Variants in ADCY2 observed in about 807,000 individuals in gnomAD.
ADCY2 encodes adenylate cyclase type 2.
A neutral mutation model predicts 125.2 loss-of-function variants in ADCY2; 31 were observed. That is an observed-to-expected ratio of 0.25 (90% CI 0.19 to 0.33). The LOEUF (loss-of-function observed/expected upper bound fraction) is 0.33, where lower values mean the gene tolerates loss of function less well. Ranked by LOEUF, ADCY2 falls within the 10% of genes least tolerant of loss-of-function variation. The probability of loss-of-function intolerance (pLI) is 1.00; values close to 1 mark genes in which losing one functional copy is unlikely to be tolerated. For missense variants in ADCY2, 904 were observed against 1,418.2 expected, an observed-to-expected ratio of 0.64 and a Z score of 5.82; for synonymous variants, 512 against 548.4, an observed-to-expected ratio of 0.93 and a Z score of 0.93.
chr5:7,436,861 C>T (rs1300430811), intron 2 of ADCY2, among the ~76,000 whole-genome samples: 5 of 152,158 alleles, frequency 3.3e-5, no homozygotes, highest in African/African-American at 9.7e-5. Context: ...TTCCTCAGGG[C>T]GTGTGCTAGG....
At chr5:7,707,120 A>C (rs1208981823) in intron 8 of ADCY2, among the ~76,000 whole-genome samples, 3 of 152,240 alleles carry the variant, frequency 2.0e-5, no homozygotes, top group African/African-American at 7.2e-5. Context: ...AAGACTGTGA[A>C]TATCAGACAG....
At chr5:7,405,192 T>C (rs1300633760) in intron 1 of ADCY2, among the ~76,000 whole-genome samples, 1 of 152,144 alleles carries the variant, frequency 6.6e-6, no homozygotes, top group African/African-American at 2.4e-5. Flanking sequence ...GAAAATACCA[T>C]CTGCTATGTT....
intron 22 of ADCY2, among the ~76,000 whole-genome samples, chr5:7,805,443 C>T (rs1005131058): frequency 3.3e-5 from 5 of 151,634 alleles, no homozygotes; most frequent in Admixed American, 2.6e-4. Flanking sequence ...GAGATTTTCT[C>T]GTGTGTGTGT....
chr5:7,552,742 C>T (rs1405350808), intron 3 of ADCY2, among the ~76,000 whole-genome samples: 1 of 151,984 alleles, frequency 6.6e-6, no homozygotes, highest in Non-Finnish European at 1.5e-5. Flanking sequence ...AATAACTTGG[C>T]CTTATTAACT....
intron 3 of ADCY2, among the ~76,000 whole-genome samples, chr5:7,600,076 C>T (rs1410330632): frequency 6.6e-6 from 1 of 152,136 alleles, no homozygotes; most frequent in Non-Finnish European, 1.5e-5. Context: ...GATGCTGACT[C>T]ACTGGGTTCT....
intron 4 of ADCY2, among the ~76,000 whole-genome samples, chr5:7,687,679 G>C (rs1198597076): frequency 6.6e-6 from 1 of 152,098 alleles, no homozygotes; most frequent in Admixed American, 6.6e-5. Context: ...CTTCATTAGC[G>C]GACACACAGG....
intron 4 of ADCY2, among the ~76,000 whole-genome samples, chr5:7,671,171 A>G (rs192585405): frequency 7.9e-5 from 12 of 152,308 alleles, no homozygotes; most frequent in Admixed American, 7.8e-4. Flanking sequence ...CATCTTCTTT[A>G]TTTGTATAAC....
At chr5:7,641,430 CTTAT>C (rs1738710924) in intron 4 of ADCY2, among the ~76,000 whole-genome samples, 1 of 152,046 alleles carries the variant, frequency 6.6e-6, no homozygotes, top group Non-Finnish European at 1.5e-5. Flanking sequence ...TGTTTTTTCT[CTTAT>C]TTATGAGTTA....
rs551234753 is a variant in ADCY2, at chr5:7,698,451, T to A, written c.1109+77T>A. ...ACATGTGCACAACGTGCAGGTTTGT[T>A]ACATAGGTATACATGTACTGTGTTG... is the stretch of plus-strand genomic sequence containing the variant. On this transcript the variant is annotated intron_variant, in intron 7 of 24. Transcript: ENST00000338316. The A allele has an allele frequency of 1.7e-5, 25 of 1,433,100 alleles. No individual in the cohort carries two copies. The African/African-American group carries it at 2.7e-4, about 15-fold the overall frequency. 88.8% of individuals were successfully genotyped at this position (1,433,100 alleles called of 1,614,324 possible).
At chr5:7,772,050 G>T (rs537930358) in intron 17 of ADCY2, among the ~76,000 whole-genome samples, 9 of 152,176 alleles carry the variant, frequency 5.9e-5, no homozygotes, top group Non-Finnish European at 1.2e-4. Flanking sequence ...TGGGCTCTGT[G>T]CATTACTTTT....
At chr5:7,514,868 G>A (rs1378943506) in intron 2 of ADCY2, among the ~76,000 whole-genome samples, 2 of 152,194 alleles carry the variant, frequency 1.3e-5, no homozygotes, top group African/African-American at 4.8e-5. Context: ...AAAGCCTCCA[G>A]GAGGAACAAA....
chr5:7,637,329 A>G (rs985966138), intron 4 of ADCY2, among the ~76,000 whole-genome samples: 1 of 148,578 alleles, frequency 6.7e-6, no homozygotes, highest in Non-Finnish European at 1.5e-5. Flanking sequence ...AATTAGCCAG[A>G]TGTGGTGGTG....
rs1735115773 is a variant in ADCY2 at position 7,545,371 on chromosome 5, A to G, written c.570+24472A>G. ...TCCTTTCTACAAGGAAAAGAAAAAT[A>G]ATTTATTAGAGAACCTGTTTCCTAC... On this transcript the variant is annotated intron_variant, in intron 3 of 24. Coordinates refer to ENST00000338316, the MANE Select transcript of ADCY2 (RefSeq NM_020546.3). Among the ~76,000 whole-genome samples, 8 of 152,268 alleles carry G rather than the reference A, an allele frequency of 5.3e-5. No homozygotes were observed. In the South Asian group the frequency reaches 1.7e-3, roughly 32 times the overall value.
At chr5:7,672,505 T>C (rs1245611889) in intron 4 of ADCY2, among the ~76,000 whole-genome samples, 1 of 152,024 alleles carries the variant, frequency 6.6e-6, no homozygotes, top group Non-Finnish European at 1.5e-5. Context: ...GATGATTTTT[T>C]TTTTTAAGAG....
chr5:7,549,098 T>G (rs890694105), intron 3 of ADCY2, among the ~76,000 whole-genome samples: 1 of 152,230 alleles, frequency 6.6e-6, no homozygotes, highest in Non-Finnish European at 1.5e-5. Context: ...TCACATTTTC[T>G]TCTAGTTCTT....
intron 2 of ADCY2, among the ~76,000 whole-genome samples, chr5:7,433,532 G>A (rs963547555): frequency 2.8e-4 from 43 of 152,132 alleles, no homozygotes; most frequent in Admixed American, 1.2e-3. Context: ...GAGGAGGGAC[G>A]TAGCCAAAGA....
At chr5:7,495,851 C>T (rs913160836) in intron 2 of ADCY2, among the ~76,000 whole-genome samples, 2 of 152,140 alleles carry the variant, frequency 1.3e-5, no homozygotes, top group Admixed American at 1.3e-4. Flanking sequence ...TTTAGCCAGT[C>T]AGTGGAAAGT....
At chr5:7,595,260 CTTAAAA>C (rs1480235646) in intron 3 of ADCY2, among the ~76,000 whole-genome samples, 1 of 152,154 alleles carries the variant, frequency 6.6e-6, no homozygotes, top group Non-Finnish European at 1.5e-5. Context: ...CTTCGCTTTT[CTTAAAA>C]TTAAATAGCA....
intron 24 of ADCY2, among the ~76,000 whole-genome samples, chr5:7,822,742 GTGTC>G (rs1057086698): frequency 6.6e-6 from 1 of 151,962 alleles, no homozygotes; most frequent in Non-Finnish European, 1.5e-5. Context: ...GTGTGTGTGT[GTGTC>G]TGTGCTGAAC....
Sources: allele counts gnomAD v4.1 joint callset (sites outside exome capture counted in the v4.1 genomes callset), GRCh38; gene constraint gnomAD v4.1.1; transcripts MANE v1.5; gene names NCBI Gene and HGNC (gene_info 2026-07-23, HGNC 2026-07-21).